The following WWOX variants were observed in gnomAD, a reference collection of about 807,000 sequenced individuals.
WWOX encodes the protein WW domain containing oxidoreductase.
Under a neutral mutation model 46.2 loss-of-function variants are expected in WWOX, and 69 were observed. The ratio of observed to expected loss-of-function variants is 1.49; its 90% CI spans 1.23 to 1.82. The LOEUF (loss-of-function observed/expected upper bound fraction) is 1.82, where lower values mean the gene tolerates loss of function less well. Among genes scored for constraint, WWOX ranks in the 40% most tolerant of loss-of-function variants. WWOX has a pLI of 0.00. For missense variants in WWOX, 919 were observed against 542.6 expected, an observed-to-expected ratio of 1.69 and a Z score of -6.89; for synonymous variants, 359 against 202.6, an observed-to-expected ratio of 1.77 and a Z score of -6.56.
chr16:79,127,791 G>A (rs976268838), intron 8 of WWOX, among the ~76,000 whole-genome samples: 1 of 152,192 alleles, frequency 6.6e-6, no homozygotes, highest in Non-Finnish European at 1.5e-5. Flanking sequence ...GGGTGGAGGG[G>A]TGGACTGAGA....
At chr16:78,700,888 A>C (rs1490810630) in intron 8 of WWOX, among the ~76,000 whole-genome samples, 1 of 152,212 alleles carries the variant, frequency 6.6e-6, no homozygotes, top group East Asian at 1.9e-4. Context: ...AAACCAACCC[A>C]AAGGGCTATG....
At chr16:78,484,214 T>G (rs1260098515) in intron 8 of WWOX, among the ~76,000 whole-genome samples, 1 of 144,210 alleles carries the variant, frequency 6.9e-6, no homozygotes, top group Non-Finnish European at 1.5e-5. Context: ...AGAAGCAAAA[T>G]TTGCAGTAAT....
At chr16:78,737,520 T>C (rs539576657) in intron 8 of WWOX, among the ~76,000 whole-genome samples, 154 of 152,178 alleles carry the variant, frequency 1.0e-3, no homozygotes, top group Non-Finnish European at 1.6e-3. Context: ...TTCTGAGATT[T>C]TGATGTACCC....
intron 8 of WWOX, among the ~76,000 whole-genome samples, chr16:78,634,016 C>G (rs566158600): frequency 6.6e-6 from 1 of 152,084 alleles, no homozygotes; most frequent in African/African-American, 2.4e-5. Flanking sequence ...AACCCTCGAG[C>G]CAACTGACAG....
chr16:79,119,161 G>C (rs8062359), intron 8 of WWOX, among the ~76,000 whole-genome samples: 1 of 151,184 alleles, frequency 6.6e-6, no homozygotes, highest in African/African-American at 2.4e-5. Flanking sequence ...CTGAAGTCCA[G>C]TTTCGTCTAA....
At chr16:78,175,031 A>ATAATAAT (rs61181651) in intron 5 of WWOX, among the ~76,000 whole-genome samples, 3 of 126,266 alleles carry the variant, frequency 2.4e-5, no homozygotes. Flanking sequence ...AATAATAATA[A>ATAATAAT]GAATCTGACT....
At chr16:79,169,965 C>G (rs1225820871) in intron 8 of WWOX, among the ~76,000 whole-genome samples, 1 of 152,130 alleles carries the variant, frequency 6.6e-6, no homozygotes, top group Admixed American at 6.5e-5. Context: ...GCTCTGTTGA[C>G]CAGGCTTGGG....
intron 5 of WWOX, among the ~76,000 whole-genome samples, chr16:78,166,495 G>A (rs1214697349): frequency 1.3e-5 from 2 of 152,026 alleles, no homozygotes; most frequent in African/African-American, 2.4e-5. Flanking sequence ...GATTCAAAGG[G>A]CATATGCATT....
chr16:79,163,036 C>G (rs1350127723), intron 8 of WWOX, among the ~76,000 whole-genome samples: 2 of 152,232 alleles, frequency 1.3e-5, no homozygotes, highest in African/African-American at 4.8e-5. Flanking sequence ...TGCAAGTATT[C>G]TTTCAGGCAT....
At chr16:78,633,897 T>C (rs4035833) in intron 8 of WWOX, among the ~76,000 whole-genome samples, 1 of 132,666 alleles carries the variant, frequency 7.5e-6, no homozygotes, top group African/African-American at 2.8e-5. Context: ...ATCTGAGGTG[T>C]TTTTTTTTTT....
chr16:79,151,785 T>A (rs2050284518), intron 8 of WWOX, among the ~76,000 whole-genome samples: 1 of 152,078 alleles, frequency 6.6e-6, no homozygotes, highest in African/African-American at 2.4e-5. Context: ...GATCCTGGAG[T>A]TGCTGTAATG....
At chr16:78,294,696 A>C (rs2079915289) in intron 5 of WWOX, among the ~76,000 whole-genome samples, 2 of 120,612 alleles carry the variant, frequency 1.7e-5, no homozygotes, top group South Asian at 4.7e-4. Context: ...AGTTGGATAT[A>C]GCCTTATGTT....
rs969468092 is a variant in WWOX at position 78,481,427 on chromosome 16, A to G, written c.1056+48675A>G. Among the ~76,000 whole-genome samples the G allele has an allele frequency of 2.0e-5, 3 of 152,260 alleles. 1 individual carries two copies. Among genetic ancestry groups the G allele is most frequent in the Admixed American group, 2.0e-4 (3 of 15,292 alleles). On this transcript the variant is annotated intron_variant, in intron 8 of 8. Transcript: ENST00000566780. The stretch of plus-strand genomic sequence containing the variant: ...AATCCTGAAATAAAAGGTTTCATAA[A>G]TGGGGAAAAAAGTCATTGATTGAAA...
intron 8 of WWOX, among the ~76,000 whole-genome samples, chr16:78,795,642 G>A (rs996942881): frequency 6.6e-6 from 1 of 152,158 alleles, no homozygotes; most frequent in Non-Finnish European, 1.5e-5. Context: ...TATAATTCTG[G>A]CTTTTGAATT....
intron 8 of WWOX, among the ~76,000 whole-genome samples, chr16:78,613,179 T>G (rs1010979738): frequency 1.3e-5 from 2 of 152,186 alleles, no homozygotes; most frequent in Admixed American, 6.5e-5. Flanking sequence ...CTTTTGATGC[T>G]GGTGCCCATC....
intron 8 of WWOX, among the ~76,000 whole-genome samples, chr16:79,020,405 G>A (rs554239124): frequency 1.3e-5 from 2 of 152,210 alleles, no homozygotes; most frequent in East Asian, 3.9e-4. Context: ...GTATCACCAT[G>A]AGCGATAACT....
At chr16:78,515,426 G>C (rs1597197086) in intron 8 of WWOX, among the ~76,000 whole-genome samples, 1 of 152,126 alleles carries the variant, frequency 6.6e-6, no homozygotes, top group East Asian at 1.9e-4. Context: ...ATCTGTGTTT[G>C]AGAGGCACAC....
chr16:78,185,387 G>T (rs2035665633), intron 5 of WWOX, among the ~76,000 whole-genome samples: 2 of 152,154 alleles, frequency 1.3e-5, no homozygotes, highest in Admixed American at 1.3e-4. Flanking sequence ...ATTCGAAGAT[G>T]ATCTGATAGG....
At chr16:78,919,620 C>T (rs1046651568) in intron 8 of WWOX, among the ~76,000 whole-genome samples, 11 of 149,568 alleles carry the variant, frequency 7.4e-5, no homozygotes, top group African/African-American at 1.2e-4. Context: ...CGGGATCAAG[C>T]GATTCTCCTG....
Sources: allele counts gnomAD v4.1 joint callset (sites outside exome capture counted in the v4.1 genomes callset), GRCh38; gene constraint gnomAD v4.1.1; transcripts MANE v1.5; gene names NCBI Gene and HGNC (gene_info 2026-07-23, HGNC 2026-07-21).